The following SPATA1 variants were observed in gnomAD, a reference collection of about 807,000 sequenced individuals.
The protein encoded by SPATA1 is spermatogenesis-associated protein 1.
SPATA1 carries 57 observed loss-of-function variants against 59.6 expected under a neutral mutation model. That is an observed-to-expected ratio of 0.96 (90% CI 0.77 to 1.19). SPATA1 has a LOEUF of 1.19. Among genes scored for constraint, SPATA1 ranks in the 50% most tolerant of loss-of-function variants. SPATA1 has a pLI of 0.00. For synonymous variants in SPATA1, 147 were observed against 163.9 expected, an observed-to-expected ratio of 0.90 and a Z score of 0.79; for missense variants, 448 against 480.7, an observed-to-expected ratio of 0.93 and a Z score of 0.64.
At chr1:84,515,628 T>C (rs1158440038) in intron 1 of SPATA1, among the ~76,000 whole-genome samples, 1 of 152,140 alleles carries the variant, frequency 6.6e-6, no homozygotes, top group African/African-American at 2.4e-5. Flanking sequence ...TTTTCTTATA[T>C]ACATTATATA....
intron 1 of SPATA1, among the ~76,000 whole-genome samples, chr1:84,511,065 T>C (rs935799534): frequency 6.6e-6 from 1 of 152,110 alleles, no homozygotes; most frequent in Non-Finnish European, 1.5e-5. Context: ...ATAAGTTAGA[T>C]AAAGTGAATA....
At chr1:84,535,935 A>T (rs1197000867) in intron 8 of SPATA1, among the ~76,000 whole-genome samples, 2 of 152,210 alleles carry the variant, frequency 1.3e-5, no homozygotes, top group African/African-American at 4.8e-5. Context: ...TAATGGAAAC[A>T]TCATTTTAGG....
At chr1:84,525,670 A>AT (rs777736537) in intron 4 of SPATA1, 26 bp from the exon 5 acceptor site, 8 of 1,551,486 alleles carry the variant, frequency 5.2e-6, no homozygotes, top group Middle Eastern at 1.9e-4. Flanking sequence ...AAAAGCTTTA[A>AT]TTTTTTTCTC....
chr1:84,516,518 A>G (rs1344619615), intron 2 of SPATA1, 123 bp downstream of exon 2: 2 of 596,340 alleles, frequency 3.4e-6, no homozygotes, highest in Admixed American at 4.0e-5. Context: ...CCATGATCCC[A>G]ACTTCATGTA....
At chr1:84,553,136 TAA>T (rs1684328426) in exon 13 of SPATA1, 1 of 1,393,304 alleles carries the variant, frequency 7.2e-7, no homozygotes, top group Admixed American at 2.9e-5. Flanking sequence ...TATGTTAATT[TAA>T]AACTTTTATT....
rs1570471799 is a variant in SPATA1 at position 84,563,619 on chromosome 1, T to A, written n.443-2242T>A. On this transcript the variant is annotated intron_variant and non_coding_transcript_variant, in intron 4 of 4. Transcript: ENST00000460286. Reference sequence around the variant, plus strand: ...TTTCATAGAAGTAAAAATAAATAATTTTTATCTCAAACTATATTTCAGAGA... The same window carrying A: ...TTTCATAGAAGTAAAAATAAATAATATTTATCTCAAACTATATTTCAGAGA... The A allele has an allele frequency of 1.0e-5, 7 of 695,344 alleles. No homozygotes were observed. In the East Asian group the frequency reaches 2.3e-4, roughly 23 times the overall value. The allele number at this position is 695,344 out of a possible 1,614,324, so 43.1% of individuals were successfully genotyped here.
intron 1 of SPATA1, among the ~76,000 whole-genome samples, chr1:84,510,412 A>G (rs1682485743): frequency 6.6e-6 from 1 of 152,224 alleles, no homozygotes; most frequent in Non-Finnish European, 1.5e-5. Flanking sequence ...AAAGGTATTC[A>G]ACATCACCGA....
At chr1:84,513,190 G>A (rs191355660) in intron 1 of SPATA1, among the ~76,000 whole-genome samples, 139 of 152,256 alleles carry the variant, frequency 9.1e-4, no homozygotes, top group African/African-American at 3.2e-3. Flanking sequence ...CACAATCTCG[G>A]CTCGGCGCAA....
At chr1:84,537,451 G>A (rs182712698) in intron 8 of SPATA1, among the ~76,000 whole-genome samples, 10 of 152,226 alleles carry the variant, frequency 6.6e-5, no homozygotes, top group Admixed American at 5.2e-4. Context: ...ACAAATAGAC[G>A]TCTACCTTGA....
At position 84,520,649 on chromosome 1, in the gene SPATA1, C is replaced by A; in HGVS notation, c.101C>A (p.Ser34Ter). 2 of 1,578,710 alleles carry A rather than the reference C, an allele frequency of 1.3e-6. No homozygotes were observed. The highest frequency in any genetic ancestry group is 1.7e-6 in the Non-Finnish European group (2 of 1,163,852). Reference sequence around the variant, plus strand: ...TGGAACTATAAGCTAAATACCATTTCAACAGAAGTTGTTAACAAATTCATT... The same window carrying A: ...TGGAACTATAAGCTAAATACCATTTAAACAGAAGTTGTTAACAAATTCATT... The change falls in exon 3 of 13, where the codon TCA becomes TAA. Residue 34 changes from serine to a stop codon, truncating the protein, a stop_gained. Coordinates refer to ENST00000490879, the Ensembl canonical transcript of SPATA1. LOFTEE classifies it high-confidence loss of function.
intron 4 of SPATA1, among the ~76,000 whole-genome samples, chr1:84,523,474 A>G (rs750045958): frequency 6.6e-6 from 1 of 152,202 alleles, no homozygotes; most frequent in Non-Finnish European, 1.5e-5. Flanking sequence ...TTTGCTTAAC[A>G]TCTAACTCTA....
chr1:84,515,810 A>G (rs1296746972), intron 1 of SPATA1, among the ~76,000 whole-genome samples: 1 of 152,168 alleles, frequency 6.6e-6, no homozygotes, highest in Non-Finnish European at 1.5e-5. Context: ...TGTATATGAT[A>G]TAACAGTTTT....
chr1:84,543,416 GGCTGTACAGGAA>G (rs1364974621), intron 8 of SPATA1, among the ~76,000 whole-genome samples: 12 of 152,142 alleles, frequency 7.9e-5, no homozygotes, highest in Non-Finnish European at 1.6e-4. Context: ...CGGTTCTGCA[GGCTGTACAGGAA>G]GCATGGCATC....
chr1:84,536,695 C>A (rs1385291796), intron 8 of SPATA1, among the ~76,000 whole-genome samples: 1 of 152,086 alleles, frequency 6.6e-6, no homozygotes, highest in Non-Finnish European at 1.5e-5. Flanking sequence ...CCGCCCGCCT[C>A]GGCCTCCCAA....
chr1:84,537,671 A>G (rs1683753414), intron 8 of SPATA1, among the ~76,000 whole-genome samples: 1 of 152,188 alleles, frequency 6.6e-6, no homozygotes, highest in South Asian at 2.1e-4. Flanking sequence ...GATGACTACA[A>G]TGGAGAAAGG....
intron 10 of SPATA1, among the ~76,000 whole-genome samples, chr1:84,546,897 G>A (rs1201916802): frequency 1.3e-5 from 2 of 152,188 alleles, no homozygotes; most frequent in East Asian, 3.8e-4. Flanking sequence ...TAGGACTGGT[G>A]GACTGATGAG....
At chr1:84,561,872 CTACAG>C (rs1178891325) in intron 4 of SPATA1, among the ~76,000 whole-genome samples, 1 of 152,138 alleles carries the variant, frequency 6.6e-6, no homozygotes, top group African/African-American at 2.4e-5. Context: ...ACTTAACAGA[CTACAG>C]TATAGTATAA....
chr1:84,538,184 T>C (rs1683775458), intron 8 of SPATA1, among the ~76,000 whole-genome samples: 1 of 152,222 alleles, frequency 6.6e-6, no homozygotes, highest in South Asian at 2.1e-4. Flanking sequence ...GTGGTGACAA[T>C]TGTAGCTGCT....
At chr1:84,518,433 A>T (rs1333944386) in intron 2 of SPATA1, among the ~76,000 whole-genome samples, 1 of 152,038 alleles carries the variant, frequency 6.6e-6, no homozygotes, top group South Asian at 2.1e-4. Flanking sequence ...TAGTGTCATG[A>T]TGTCCTGTTT....
Sources: gnomAD v4.1 joint callset for allele counts (sites outside exome capture counted in the v4.1 genomes callset) on GRCh38, gnomAD v4.1.1 for gene constraint, MANE v1.5 for transcripts, NCBI Gene and HGNC (gene_info 2026-07-23, HGNC 2026-07-21) for gene names.